Variants in ARHGAP23 observed in about 807,000 individuals in gnomAD.
The protein encoded by ARHGAP23 is rho GTPase-activating protein 23.
Under a neutral mutation model 136.3 loss-of-function variants are expected in ARHGAP23, and 34 were observed. That is an observed-to-expected ratio of 0.25 (90% confidence interval 0.19 to 0.33). The LOEUF (loss-of-function observed/expected upper bound fraction) is 0.33, where lower values mean the gene tolerates loss of function less well. Ranked by LOEUF, ARHGAP23 falls within the 10% of genes least tolerant of loss-of-function variation. The pLI is 1.00. For missense variants in ARHGAP23, 1,808 were observed against 2,139.0 expected, an observed-to-expected ratio of 0.85 and a Z score of 3.05; for synonymous variants, 832 against 920.5, an observed-to-expected ratio of 0.90 and a Z score of 1.74.
At chr17:38,507,929 G>A (rs2040670972) in intron 23 of ARHGAP23, among the ~76,000 whole-genome samples, 1 of 152,278 alleles carries the variant, frequency 6.6e-6, no homozygotes, top group South Asian at 2.1e-4. Context: ...GAGGTGGTCT[G>A]TGAGGAGGGG....
upstream of ARHGAP23, among the ~76,000 whole-genome samples, chr17:38,426,828 T>C (rs932322958): frequency 2.0e-5 from 3 of 151,710 alleles, no homozygotes; most frequent in Non-Finnish European, 3.0e-5. Context: ...GATGGCCTAA[T>C]TGTTGTCTGG....
chr17:38,475,345 G>A (rs527518381), intron 11 of ARHGAP23, among the ~76,000 whole-genome samples: 5 of 152,346 alleles, frequency 3.3e-5, no homozygotes, highest in East Asian at 1.9e-4. Context: ...CTGGGAGTGC[G>A]GTTGACTTGT....
intron 1 of ARHGAP23, among the ~76,000 whole-genome samples, chr17:38,454,950 A>G (rs2039289437): frequency 6.6e-6 from 1 of 152,208 alleles, no homozygotes; most frequent in Non-Finnish European, 1.5e-5. Flanking sequence ...GTGTTTGGAA[A>G]TAGATCCAGG....
chr17:38,507,002 G>A (rs2040647930), intron 23 of ARHGAP23, among the ~76,000 whole-genome samples: 1 of 152,130 alleles, frequency 6.6e-6, no homozygotes, highest in African/African-American at 2.4e-5. Context: ...TGGGCGCAGT[G>A]GCTGATGCCT....
intron 23 of ARHGAP23, among the ~76,000 whole-genome samples, chr17:38,504,746 A>G (rs1224705998): frequency 6.6e-6 from 1 of 152,104 alleles, no homozygotes; most frequent in Non-Finnish European, 1.5e-5. Context: ...CAAGCTCATC[A>G]GAAACCATTG....
rs1224147600 is a variant in ARHGAP23, at chr17:38,477,553, TC to T, written c.2119-21del. The stretch of plus-strand genomic sequence containing the variant: ...AAACTGGCCTCTCACCATTCCTGTC[TC>T]CCCCAACCCCGTGTCTCCCTGCAGA... On this transcript the variant is annotated intron_variant, in intron 11 of 23. Transcript: ENST00000622683. The surrounding 1 kb of genome is among the most constrained non-coding windows in gnomAD (Gnocchi z 6.6). 2.4e-6 allele frequency: 3 copies of T among 1,253,610 alleles called. No individual in the cohort carries two copies. Among genetic ancestry groups the T allele is most frequent in the South Asian group, 5.0e-5 (2 of 39,834 alleles). The allele number at this position is 1,253,610 out of a possible 1,614,324, so 77.7% of individuals were successfully genotyped here. A position where few individuals can be genotyped will look rare whatever the true frequency, so the allele number is the denominator to read the frequency against.
intron 20 of ARHGAP23, among the ~76,000 whole-genome samples, chr17:38,494,586 A>G (rs1326805016): frequency 4.6e-5 from 7 of 152,172 alleles, no homozygotes; most frequent in Non-Finnish European, 8.8e-5. Flanking sequence ...ACAAAAATCC[A>G]TTAAAAAAAT....
intron 1 of ARHGAP23, among the ~76,000 whole-genome samples, chr17:38,439,442 T>A (rs1237257972): frequency 6.6e-6 from 1 of 152,220 alleles, no homozygotes. Flanking sequence ...ATCCAGCTTC[T>A]AGGCCAGGCC....
intron 22 of ARHGAP23, 193 bp from the exon 23 acceptor site, chr17:38,500,404 A>T: frequency 3.4e-6 from 2 of 592,556 alleles, no homozygotes; most frequent in South Asian, 2.2e-5. Context: ...GGCAGTTAAC[A>T]TCATTTTCTC....
chr17:38,494,272 C>T (rs1312498949), intron 20 of ARHGAP23, among the ~76,000 whole-genome samples: 1 of 152,224 alleles, frequency 6.6e-6, no homozygotes, highest in East Asian at 1.9e-4. Context: ...GTTTACCTCA[C>T]ATCGTTGTGA....
In ARHGAP23 at chr17:38,510,889, C is replaced by T. The variant is rs2040749320; in HGVS notation, c.4393C>T (p.Pro1465Ser). 1.3e-6 allele frequency: 2 copies of T among 1,491,156 alleles called. No homozygotes were observed. Among genetic ancestry groups the T allele is most frequent in the Non-Finnish European group, 8.9e-7 (1 of 1,129,144 alleles). The allele number at this position is 1,491,156 out of a possible 1,614,324, so 92.4% of individuals were successfully genotyped here. ...ARAPSSAASQ[P>S]PAPGDTGSLQ... ...GGCCCCGTCGTCCGCTGCCTCGCAG[C>T]CGCCCGCGCCCGGGGACACGGGGTC... is the stretch of plus-strand genomic sequence containing the variant. The change falls in exon 24 of 24, where the codon CCG becomes TCG. Residue 1465 changes from proline to serine, a missense_variant. Pro to Ser is a moderately conservative substitution (Grantham distance 74, BLOSUM62 -1). Coordinates refer to ENST00000622683, the MANE Select transcript of ARHGAP23 (RefSeq NM_001199417.2). The surrounding 1 kb of genome is among the most constrained non-coding windows in gnomAD (Gnocchi z 4.6).
Position 38,467,064 on chromosome 17 carries a change from G to C in ARHGAP23, c.1381G>C (p.Glu461Gln), listed in dbSNP as rs774864843. ...LAQSPASFPPEASEPPRVVRP... is the reference protein window; with the variant it reads ...LAQSPASFPPQASEPPRVVRP... ...CCAGTCCCCTGCGTCATTCCCACCA[G>C]AGGCCTCCGAGCCACCCAGGGTTGT... The change falls in exon 7 of 24, where the codon GAG becomes CAG. Residue 461 changes from glutamate to glutamine, a missense_variant. Physicochemically the swap from Glu to Gln is conservative, Grantham distance 29. Transcript: ENST00000622683. 6 of 1,550,934 alleles carry C rather than the reference G, an allele frequency of 3.9e-6. No individual in the cohort carries two copies. The South Asian group carries it at 4.8e-5, about 12-fold the overall frequency.
chr17:38,472,168 T>A (rs1166501144), intron 11 of ARHGAP23, among the ~76,000 whole-genome samples, 162 bp downstream of exon 11: 1 of 152,188 alleles, frequency 6.6e-6, no homozygotes, highest in Non-Finnish European at 1.5e-5. Context: ...CAGGGGGATT[T>A]AAAGAACTTA....
rs1380312747 is a variant in ARHGAP23 at position 38,477,052 on chromosome 17, G to T, written c.2119-527G>T. On this transcript the variant is annotated intron_variant, in intron 11 of 23. Transcript: ENST00000622683. The surrounding 1 kb of genome is among the most constrained non-coding windows in gnomAD (Gnocchi z 6.6). The stretch of plus-strand genomic sequence containing the variant: ...TGCCGCTGAGGGGTTAAGGCAAGTT[G>T]GGGAGAAGCAGCCACTGGCTTTGGC... Among the ~76,000 whole-genome samples, 2 of 152,154 alleles carry T rather than the reference G, an allele frequency of 1.3e-5. No homozygotes were observed. Among genetic ancestry groups the T allele is most frequent in the Non-Finnish European group, 2.9e-5 (2 of 68,016 alleles).
At chr17:38,497,150 T>C (rs1271451699) in intron 20 of ARHGAP23, among the ~76,000 whole-genome samples, 1 of 152,202 alleles carries the variant, frequency 6.6e-6, no homozygotes, top group East Asian at 1.9e-4. Flanking sequence ...AAACTTAGAA[T>C]TTTATCTTCA....
Position 38,477,454 on chromosome 17 carries a change from A to G in ARHGAP23, c.2119-125A>G. On this transcript the variant is annotated intron_variant, in intron 11 of 23. Transcript: ENST00000622683. This position sits in a 1 kb window ranked among gnomAD's most constrained non-coding sequence, Gnocchi z 6.6. ...CTGCCCAGGTCTAGCCGGGTGGAGCAGGGGGCTCCTGGTAGGCAGCGTGGG... is the reference window on the plus strand; with the variant it reads ...CTGCCCAGGTCTAGCCGGGTGGAGCGGGGGGCTCCTGGTAGGCAGCGTGGG... 2.1e-6 allele frequency: 2 copies of G among 938,072 alleles called. No individual in the cohort carries two copies. Among genetic ancestry groups the G allele is most frequent in the Non-Finnish European group, 2.7e-6 (2 of 751,654 alleles). 58.1% of individuals were successfully genotyped at this position (938,072 alleles called of 1,614,324 possible).
At chr17:38,462,456 A>G (rs2039484266) in intron 3 of ARHGAP23, among the ~76,000 whole-genome samples, 1 of 151,662 alleles carries the variant, frequency 6.6e-6, no homozygotes, top group Admixed American at 6.6e-5. Flanking sequence ...GAGATTCACC[A>G]TATTGGCCAG....
intron 11 of ARHGAP23, among the ~76,000 whole-genome samples, chr17:38,476,296 T>A (rs1362413086): frequency 1.3e-5 from 2 of 151,966 alleles, no homozygotes; most frequent in Non-Finnish European, 2.9e-5. Context: ...GACCGGGTGG[T>A]GGCAGGAAAG....
chr17:38,466,028 T>C (rs376311545), intron 6 of ARHGAP23, 139 bp from the exon 7 acceptor site: 4 of 537,398 alleles, frequency 7.4e-6, no homozygotes, highest in Middle Eastern at 7.5e-4. Context: ...CACCCACTTA[T>C]GCCTCTCCCT....
Sources: allele counts gnomAD v4.1 joint callset (sites outside exome capture counted in the v4.1 genomes callset), GRCh38; gene constraint gnomAD v4.1.1; non-coding constraint Gnocchi (gnomAD v3.1); transcripts MANE v1.5; gene names NCBI Gene and HGNC (gene_info 2026-07-23, HGNC 2026-07-21).